PEX5L: variants seen among roughly 807,000 people sequenced by gnomAD.
PEX5L encodes the protein PEX5-related protein.
PEX5L carries 30 observed loss-of-function variants against 84.0 expected under a neutral mutation model. That is an observed-to-expected ratio of 0.36 (90% CI 0.27 to 0.48). The LOEUF (loss-of-function observed/expected upper bound fraction) is 0.48. Among genes scored for constraint, PEX5L ranks in the 20% least tolerant of loss-of-function variants. The pLI is 0.99. For synonymous variants in PEX5L, 270 were observed against 283.1 expected, an observed-to-expected ratio of 0.95 and a Z score of 0.46; for missense variants, 533 against 754.6, an observed-to-expected ratio of 0.71 and a Z score of 3.44.
rs1231711733 is a variant in PEX5L, at chr3:179,987,895, T to A, written c.22-16230A>T. On this transcript the variant is annotated intron_variant, in intron 1 of 14. Transcript: ENST00000467460. ...ATTTGGAAAGTGGGTAGAGAAGAAC[T>A]TTGGTTTGTGTCAAATCAGGGTTCT... is the stretch of plus-strand genomic sequence containing the variant. Among the ~76,000 whole-genome samples, 6 of 152,244 alleles carry A rather than the reference T, an allele frequency of 3.9e-5. 1 individual carries two copies. The South Asian group carries it at 1.0e-3, about 26-fold the overall frequency.
chr3:180,015,982 G>A (rs1002380422), intron 1 of PEX5L, among the ~76,000 whole-genome samples: 8 of 151,458 alleles, frequency 5.3e-5, no homozygotes, highest in Non-Finnish European at 1.5e-5. Context: ...GGGATATTTG[G>A]GTTTAAACTA....
intron 2 of PEX5L, among the ~76,000 whole-genome samples, chr3:179,908,606 T>C (rs1764066247): frequency 6.6e-6 from 1 of 151,032 alleles, no homozygotes; most frequent in African/African-American, 2.4e-5. Flanking sequence ...CTCCTAATGC[T>C]ATCCCTCCCC....
chr3:180,016,549 C>T (rs1443071338), intron 1 of PEX5L, among the ~76,000 whole-genome samples: 1 of 152,108 alleles, frequency 6.6e-6, no homozygotes, highest in Non-Finnish European at 1.5e-5. Flanking sequence ...ACAGAAAATT[C>T]TTGCTGATTT....
intron 2 of PEX5L, among the ~76,000 whole-genome samples, chr3:179,916,805 GA>G (rs1372163197): frequency 4.6e-5 from 7 of 151,966 alleles, no homozygotes; most frequent in Admixed American, 1.3e-4. Flanking sequence ...GAGCGGCTAG[GA>G]TTACAGGTGC....
rs1160983171 is a variant in PEX5L at position 179,808,395 on chromosome 3, G to C, written c.1395C>G (p.Ala465=). Residue 465 remains alanine, a synonymous_variant, in exon 13 of 15, where the codon GCC becomes GCG. Transcript: ENST00000467460. ...EGVKELYLEA[A]HQNGDMIDPD... ...GGTCGATCATATCTCCATTTTGGTG[G>C]GCAGCTTCCAGATATAATTCCTTCA... 5 of 1,578,730 alleles carry C rather than the reference G, an allele frequency of 3.2e-6. No homozygotes were observed. The highest frequency in any genetic ancestry group is 2.6e-6 in the Non-Finnish European group (3 of 1,164,648).
intron 7 of PEX5L, among the ~76,000 whole-genome samples, chr3:179,872,887 A>C (rs982819415): frequency 3.3e-5 from 5 of 152,252 alleles, no homozygotes; most frequent in African/African-American, 1.2e-4. Context: ...CCTTTTAAAA[A>C]TACATTTAGA....
rs1266904461 is a variant in PEX5L, at chr3:179,870,680, GATATTT to G, written c.726+3641_726+3646del. 3.3e-5 allele frequency among the ~76,000 whole-genome samples: 5 copies of G among 152,092 alleles called. No individual in the cohort carries two copies. In the East Asian group the frequency reaches 9.6e-4, roughly 29 times the overall value. Reference sequence around the variant, plus strand: ...CTACTTCCCTCTCCTCTATGAAGAGGATATTTAGGCTCCAATCATCTGGGCCTTCCC... The same window carrying G: ...CTACTTCCCTCTCCTCTATGAAGAGGAGGCTCCAATCATCTGGGCCTTCCC... On this transcript the variant is annotated intron_variant, in intron 7 of 14. Coordinates refer to ENST00000467460, the MANE Select transcript of PEX5L (RefSeq NM_016559.3).
chr3:179,859,371 T>C (rs905064894), intron 7 of PEX5L, among the ~76,000 whole-genome samples: 1 of 152,188 alleles, frequency 6.6e-6, no homozygotes, highest in African/African-American at 2.4e-5. Context: ...CTTCCAACAG[T>C]GGGTCTCAGC....
At chr3:179,814,147 G>A (rs1427318975) in intron 10 of PEX5L, among the ~76,000 whole-genome samples, 2 of 152,112 alleles carry the variant, frequency 1.3e-5, no homozygotes, top group Non-Finnish European at 2.9e-5. Flanking sequence ...TAATATTTTG[G>A]TTCAGAATTT....
rs1171034649 is a variant in PEX5L, at chr3:179,797,605, A to ATATATATATATATATATATATAT, written c.*4222_*4223insATATATATATATATATATATATA. 2.2e-5 allele frequency: 2 copies of ATATATATATATATATATATATAT among 89,158 alleles called. No homozygotes were observed. Among genetic ancestry groups the ATATATATATATATATATATATAT allele is most frequent in the African/African-American group, 9.0e-5 (2 of 22,216 alleles). The allele number at this position is 89,158 out of a possible 1,614,324, so 5.5% of individuals were successfully genotyped here. A position where few individuals can be genotyped will look rare whatever the true frequency, so the allele number is the denominator to read the frequency against. The stretch of plus-strand genomic sequence containing the variant: ...AACACTCTTTAAAAAAAAAAAAAAA[A>ATATATATATATATATATATATAT]ATATATATATATATATATATATATA... On this transcript the variant is annotated 3_prime_UTR_variant, in exon 15 of 15. Transcript: ENST00000467460.
chr3:179,982,354 CT>C (rs1337399733), intron 1 of PEX5L, among the ~76,000 whole-genome samples: 1 of 152,160 alleles, frequency 6.6e-6, no homozygotes, highest in Non-Finnish European at 1.5e-5. Flanking sequence ...ACAGAATGGA[CT>C]TATGTCTACA....
At chr3:179,865,608 T>C (rs1010658024) in intron 7 of PEX5L, among the ~76,000 whole-genome samples, 1 of 152,086 alleles carries the variant, frequency 6.6e-6, no homozygotes, top group Non-Finnish European at 1.5e-5. Context: ...TGCTTAGTAC[T>C]TACATAAAGG....
chr3:179,813,928 G>A (rs1724999598), intron 10 of PEX5L, among the ~76,000 whole-genome samples: 2 of 150,102 alleles, frequency 1.3e-5, no homozygotes, highest in South Asian at 2.1e-4. Context: ...CACCCGCCTC[G>A]GCCTCCCAAA....
At chr3:179,970,003 C>T (rs1032632119) in intron 2 of PEX5L, among the ~76,000 whole-genome samples, 1 of 151,974 alleles carries the variant, frequency 6.6e-6, no homozygotes, top group African/African-American at 2.4e-5. Flanking sequence ...AGAACAATGG[C>T]TTCCTTTGGC....
At chr3:179,980,662 T>G (rs895052298) in intron 1 of PEX5L, among the ~76,000 whole-genome samples, 3 of 152,200 alleles carry the variant, frequency 2.0e-5, no homozygotes, top group Admixed American at 1.3e-4. Context: ...TCTTCTGAGC[T>G]ACAAGATATG....
intron 2 of PEX5L, among the ~76,000 whole-genome samples, chr3:179,964,278 G>T (rs1389822326): frequency 3.9e-5 from 6 of 152,036 alleles, no homozygotes; most frequent in African/African-American, 1.4e-4. Context: ...TTCCTGGTTA[G>T]TTTGCTTAGG....
chr3:180,013,962 T>A (rs1789708912), intron 1 of PEX5L, among the ~76,000 whole-genome samples: 1 of 152,236 alleles, frequency 6.6e-6, no homozygotes. Flanking sequence ...TTAGCATGTC[T>A]GTTTGTCATA....
At chr3:179,877,166 G>A (rs1410094539) in intron 5 of PEX5L, among the ~76,000 whole-genome samples, 1 of 152,108 alleles carries the variant, frequency 6.6e-6, no homozygotes, top group Non-Finnish European at 1.5e-5. Context: ...TTTTGTGCCT[G>A]GTTTACTTCA....
In PEX5L at chr3:179,796,527, CTCT is replaced by C. The variant is rs1353293134; in HGVS notation, c.*5298_*5300del. On this transcript the variant is annotated 3_prime_UTR_variant, in exon 15 of 15. Coordinates refer to ENST00000467460, the MANE Select transcript of PEX5L (RefSeq NM_016559.3). Reference sequence around the variant, plus strand: ...TTAATTTTCTGTGTTTTTTTTTTTCCTCTTAACTGTTTAATGCCTCCCCACAAT... The same window carrying C: ...TTAATTTTCTGTGTTTTTTTTTTTCCTAACTGTTTAATGCCTCCCCACAAT... 6.6e-6 allele frequency: 1 copy of C among 150,778 alleles called. No homozygotes were observed. Among genetic ancestry groups the C allele is most frequent in the Non-Finnish European group, 1.5e-5 (1 of 67,728 alleles). 9.3% of individuals were successfully genotyped at this position (150,778 alleles called of 1,614,324 possible).
Sources: allele counts gnomAD v4.1 joint callset (sites outside exome capture counted in the v4.1 genomes callset), GRCh38; gene constraint gnomAD v4.1.1; transcripts MANE v1.5; gene names NCBI Gene and HGNC (gene_info 2026-07-23, HGNC 2026-07-21).